Variants in NSMCE2 observed in about 807,000 individuals in gnomAD.
NSMCE2 encodes the protein NSE2 SUMO ligase component of SMC5/6 complex.
A neutral mutation model predicts 23.8 loss-of-function variants in NSMCE2; 24 were observed. The ratio of observed to expected loss-of-function variants is 1.01; its 90% CI spans 0.73 to 1.42. The LOEUF (loss-of-function observed/expected upper bound fraction) is 1.42, where lower values mean the gene tolerates loss of function less well. Among genes scored for constraint, NSMCE2 ranks in the 40% most tolerant of loss-of-function variants. The pLI, the probability that NSMCE2 is intolerant of heterozygous loss-of-function variation, is 0.00. For missense variants in NSMCE2, 284 were observed against 296.5 expected, an observed-to-expected ratio of 0.96 and a Z score of 0.31; for synonymous variants, 92 against 94.1, an observed-to-expected ratio of 0.98 and a Z score of 0.13.
chr8:125,263,602 T>A lies in NSMCE2; in HGVS notation c.418+81346T>A, dbSNP rs572848301. 6.6e-5 allele frequency among the ~76,000 whole-genome samples: 10 copies of A among 152,068 alleles called. 1 individual carries two copies. The highest frequency in any genetic ancestry group is 6.5e-4 in the Admixed American group (10 of 15,270). ...CTGTCTCTACTAAAATACAAAAAAT[T>A]AGCTGGGCATGGTAGCACGCGCCTA... is the stretch of plus-strand genomic sequence containing the variant. On this transcript the variant is annotated intron_variant, in intron 5 of 7. Transcript: ENST00000287437.
chr8:125,298,687 GT>G (rs35334691), intron 5 of NSMCE2, among the ~76,000 whole-genome samples: 4 of 85,952 alleles, frequency 4.7e-5, no homozygotes, highest in South Asian at 3.8e-4. Context: ...TCATCTGTGG[GT>G]TTTTTTTTGT....
At chr8:125,258,341 A>T (rs1374284974) in intron 5 of NSMCE2, among the ~76,000 whole-genome samples, 2 of 152,224 alleles carry the variant, frequency 1.3e-5, no homozygotes, top group East Asian at 3.8e-4. Context: ...GGCAAGAAGG[A>T]TTGATAGGTG....
chr8:125,278,835 G>A lies in NSMCE2; in HGVS notation c.419-78384G>A, dbSNP rs62529125. 7.0e-3 allele frequency among the ~76,000 whole-genome samples: 1,066 copies of A among 152,020 alleles called. 7 individuals carry two copies. The highest frequency in any genetic ancestry group is 0.012 in the Non-Finnish European group (795 of 67,964). Reference sequence around the variant, plus strand: ...TACTAACTATGCATAATATTGATATGCCCTTGCTGCTGAAATTTTATATCT... The same window carrying A: ...TACTAACTATGCATAATATTGATATACCCTTGCTGCTGAAATTTTATATCT... On this transcript the variant is annotated intron_variant, in intron 5 of 7. Coordinates refer to ENST00000287437, the MANE Select transcript of NSMCE2 (RefSeq NM_173685.4).
At chr8:125,169,229 C>T (rs576081627) in intron 4 of NSMCE2, among the ~76,000 whole-genome samples, 4 of 152,298 alleles carry the variant, frequency 2.6e-5, no homozygotes, top group Admixed American at 1.3e-4. Context: ...TATTCCTACC[C>T]GTTCTTCGAT....
intron 5 of NSMCE2, among the ~76,000 whole-genome samples, chr8:125,333,468 T>TGCTA (rs1273474216): frequency 6.7e-6 from 1 of 148,684 alleles, no homozygotes; most frequent in Non-Finnish European, 1.5e-5. Flanking sequence ...CACCACGCCT[T>TGCTA]GCTAGATTTC....
At chr8:125,212,433 C>T (rs537221167) in intron 5 of NSMCE2, among the ~76,000 whole-genome samples, 2 of 152,104 alleles carry the variant, frequency 1.3e-5, no homozygotes, top group Admixed American at 6.5e-5. Context: ...AGTGAGAGCC[C>T]GGTATGTGCA....
At chr8:125,204,437 A>C (rs1002964847) in intron 5 of NSMCE2, among the ~76,000 whole-genome samples, 1 of 152,208 alleles carries the variant, frequency 6.6e-6, no homozygotes, top group Admixed American at 6.5e-5. Flanking sequence ...CTAAGGTAGG[A>C]AACTTACAAA....
chr8:125,200,269 C>A (rs1308133202), intron 5 of NSMCE2, among the ~76,000 whole-genome samples: 1 of 152,132 alleles, frequency 6.6e-6, no homozygotes, highest in Non-Finnish European at 1.5e-5. Context: ...TTCCTAGCCT[C>A]GATGGTCTTT....
At chr8:125,248,945 G>A (rs572391956) in intron 5 of NSMCE2, among the ~76,000 whole-genome samples, 12 of 152,186 alleles carry the variant, frequency 7.9e-5, no homozygotes, top group Middle Eastern at 3.4e-3. Flanking sequence ...TGAGGCAGGC[G>A]GATTACTTGT....
At chr8:125,242,660 G>T (rs916202027) in intron 5 of NSMCE2, among the ~76,000 whole-genome samples, 1 of 152,208 alleles carries the variant, frequency 6.6e-6, no homozygotes, top group Non-Finnish European at 1.5e-5. Flanking sequence ...AACAGCAGGA[G>T]CTAGAGACCT....
rs374204554 is a variant in NSMCE2 at position 125,259,646 on chromosome 8, C to T, written c.418+77390C>T. Among the ~76,000 whole-genome samples, 11 of 152,180 alleles carry T rather than the reference C, an allele frequency of 7.2e-5. No individual in the cohort carries two copies. In the East Asian group the frequency reaches 1.3e-3, roughly 19 times the overall value. On this transcript the variant is annotated intron_variant, in intron 5 of 7. Coordinates refer to ENST00000287437, the MANE Select transcript of NSMCE2 (RefSeq NM_173685.4). Reference sequence around the variant, plus strand: ...ATCCCATAGAGTTGTGGAACAGCAACATCTTACCCTGTGGCCTACTCTTGT... The same window carrying T: ...ATCCCATAGAGTTGTGGAACAGCAATATCTTACCCTGTGGCCTACTCTTGT...
At chr8:125,247,797 C>T (rs1243179244) in intron 5 of NSMCE2, among the ~76,000 whole-genome samples, 1 of 151,414 alleles carries the variant, frequency 6.6e-6, no homozygotes, top group Non-Finnish European at 1.5e-5. Flanking sequence ...AAAATGGTAA[C>T]CACATTAAGA....
At chr8:125,261,495 T>A (rs753803982) in intron 5 of NSMCE2, among the ~76,000 whole-genome samples, 16 of 151,278 alleles carry the variant, frequency 1.1e-4, no homozygotes, top group Non-Finnish European at 2.1e-4. Context: ...TTTTGAAATA[T>A]TGGGAACTAA....
At chr8:125,134,666 A>G (rs1323853488) in intron 3 of NSMCE2, among the ~76,000 whole-genome samples, 1 of 146,616 alleles carries the variant, frequency 6.8e-6, no homozygotes, top group African/African-American at 2.5e-5. Context: ...AAAATTCTTT[A>G]TCAGATATAT....
intron 5 of NSMCE2, among the ~76,000 whole-genome samples, chr8:125,317,995 C>G (rs1243954992): frequency 6.6e-6 from 1 of 152,146 alleles, no homozygotes; most frequent in Non-Finnish European, 1.5e-5. Context: ...TGCACAAAAT[C>G]TTACAAATCA....
intron 5 of NSMCE2, among the ~76,000 whole-genome samples, chr8:125,283,044 T>G (rs1827755037): frequency 1.3e-5 from 2 of 152,200 alleles, no homozygotes; most frequent in Admixed American, 6.5e-5. Context: ...TGACCTTGGG[T>G]ATATTATGTA....
chr8:125,111,049 A>G (rs1400606102), intron 3 of NSMCE2, among the ~76,000 whole-genome samples: 2 of 152,092 alleles, frequency 1.3e-5, no homozygotes, highest in Non-Finnish European at 2.9e-5. Context: ...TGATTCATCA[A>G]ATTGATTGAA....
intron 5 of NSMCE2, among the ~76,000 whole-genome samples, chr8:125,329,931 GTTGT>G (rs1554639331): frequency 1.8e-4 from 28 of 152,050 alleles, no homozygotes; most frequent in Non-Finnish European, 1.9e-4. Context: ...AGTAAGACTG[GTTGT>G]TATTTTTTTT....
intron 5 of NSMCE2, among the ~76,000 whole-genome samples, chr8:125,325,485 AACCACAAGC>A (rs1293118355): frequency 6.6e-6 from 1 of 151,958 alleles, no homozygotes; most frequent in Non-Finnish European, 1.5e-5. Context: ...AAGAAGCTGG[AACCACAAGC>A]ACATACCACC....
Sources: gnomAD v4.1 joint callset for allele counts (sites outside exome capture counted in the v4.1 genomes callset) on GRCh38, gnomAD v4.1.1 for gene constraint, MANE v1.5 for transcripts, NCBI Gene and HGNC (gene_info 2026-07-23, HGNC 2026-07-21) for gene names.